FAAH2: variants seen among roughly 807,000 people sequenced by gnomAD.
The protein encoded by FAAH2 is fatty acid amide hydrolase 2, also known as fatty-acid amide hydrolase 2.
Under a neutral mutation model 36.9 loss-of-function variants are expected in FAAH2, and 60 were observed. That is an observed-to-expected ratio of 1.63 (90% CI 1.32 to 2.02). The LOEUF (loss-of-function observed/expected upper bound fraction) is 2.02. Among genes scored for constraint, FAAH2 ranks in the 30% most tolerant of loss-of-function variants. FAAH2 has a pLI of 0.00. For missense variants in FAAH2, 689 were observed against 397.5 expected, an observed-to-expected ratio of 1.73 and a Z score of -6.23; for synonymous variants, 214 against 143.8, an observed-to-expected ratio of 1.49 and a Z score of -3.49.
intron 7 of FAAH2, among the ~76,000 whole-genome samples, chrX:57,386,203 C>T (rs1470487812): frequency 9.1e-6 from 1 of 110,383 alleles, no homozygotes; most frequent in Admixed American, 9.7e-5. Context: ...GAAAATACTG[C>T]CAATAAAAAT....
At chrX:57,335,283 G>C (rs2053515719) in intron 4 of FAAH2, among the ~76,000 whole-genome samples, 1 of 110,961 alleles carries the variant, frequency 9.0e-6, no homozygotes, top group Non-Finnish European at 1.9e-5. Context: ...TAAGAAAAAT[G>C]GGCCCAGGGG....
At chrX:57,328,178 C>A (rs2053277854) in intron 3 of FAAH2, among the ~76,000 whole-genome samples, 2 of 111,636 alleles carry the variant, frequency 1.8e-5, no homozygotes, top group South Asian at 7.6e-4. Flanking sequence ...GCAAATGTTG[C>A]TGCCTGATCG....
chrX:57,375,397 C>A (rs1189052647), intron 5 of FAAH2, among the ~76,000 whole-genome samples: 1 of 77,723 alleles, frequency 1.3e-5, no homozygotes, highest in Admixed American at 1.7e-4. Context: ...CTATTTCAAT[C>A]TCTCTCCTTG....
chrX:57,482,532 C>T (rs868495249), intron 10 of FAAH2, among the ~76,000 whole-genome samples: 2 of 109,778 alleles, frequency 1.8e-5, no homozygotes, highest in Admixed American at 9.8e-5. Flanking sequence ...TGAGGCAATG[C>T]CCCACCCTGC....
At chrX:57,124,736 A>T in the FAAH2 span, among the ~76,000 whole-genome samples, 1 of 111,192 alleles carries the variant, frequency 9.0e-6, no homozygotes, top group African/African-American at 3.3e-5. Flanking sequence ...TGTAAGTTGG[A>T]TTCCTAGGTA....
intron 7 of FAAH2, among the ~76,000 whole-genome samples, chrX:57,416,865 A>G (rs986509282): frequency 5.3e-5 from 6 of 112,253 alleles, no homozygotes; most frequent in East Asian, 2.8e-4. Context: ...TGGTACACCA[A>G]TCAAACGTAG....
intron 5 of FAAH2, among the ~76,000 whole-genome samples, chrX:57,342,161 G>A (rs1163188405): frequency 9.0e-6 from 1 of 111,600 alleles, no homozygotes. Context: ...ACAATGGTCC[G>A]TATACACCAT....
At chrX:57,260,543 A>G in the FAAH2 span, among the ~76,000 whole-genome samples, 2 of 111,941 alleles carry the variant, frequency 1.8e-5, no homozygotes, top group Admixed American at 9.5e-5. Context: ...TTATAAAACA[A>G]AAGATCAATA....
intron 3 of FAAH2, among the ~76,000 whole-genome samples, chrX:57,319,765 A>C (rs1487870406): frequency 4.5e-5 from 5 of 112,258 alleles, no homozygotes; most frequent in Non-Finnish European, 5.6e-5. Flanking sequence ...ACCTTACTGC[A>C]AAGTATACTA....
the FAAH2 span, among the ~76,000 whole-genome samples, chrX:57,168,555 G>A: frequency 4.3e-4 from 48 of 111,986 alleles, no homozygotes; most frequent in Admixed American, 4.6e-3. Flanking sequence ...AATATAGCTT[G>A]TAACCTCCAA....
the FAAH2 span, among the ~76,000 whole-genome samples, chrX:57,153,582 T>C: frequency 8.9e-6 from 1 of 112,323 alleles, no homozygotes; most frequent in Admixed American, 9.4e-5. Context: ...TCTCAGCTTT[T>C]GTTTGTCTAA....
chrX:57,427,917 G>A (rs968010773), intron 7 of FAAH2, among the ~76,000 whole-genome samples: 1 of 111,560 alleles, frequency 9.0e-6, no homozygotes, highest in Non-Finnish European at 1.9e-5. Context: ...AGTCAGGCAA[G>A]AGAAAGAAAT....
the FAAH2 span, among the ~76,000 whole-genome samples, chrX:57,159,188 C>G: frequency 1.8e-5 from 2 of 111,411 alleles, no homozygotes; most frequent in Admixed American, 9.5e-5. Context: ...TGTTCTGTTC[C>G]ATTTGTCTAT....
intron 7 of FAAH2, among the ~76,000 whole-genome samples, chrX:57,403,263 C>G (rs760476552): frequency 8.9e-6 from 1 of 112,407 alleles, no homozygotes; most frequent in Non-Finnish European, 1.9e-5. Flanking sequence ...ATTAGTCTTA[C>G]AGCGTCCTCT....
chrX:57,448,655 C>T lies in FAAH2; in HGVS notation c.1360C>T (p.His454Tyr), dbSNP rs1298456293. 4.1e-6 allele frequency: 5 copies of T among 1,209,711 alleles called. No homozygotes were observed. The African/African-American group carries it at 5.2e-5, about 13-fold the overall frequency. ...TGATGGTGTGTTCTTATATCCCTCA[C>T]ATCCCACAGTGGCACCTAAGCATCA... is the stretch of plus-strand genomic sequence containing the variant. ...GDDGVFLYPS[H>Y]PTVAPKHHVP... The change falls in exon 10 of 11, where the codon CAT becomes TAT. Residue 454 changes from histidine to tyrosine, a missense_variant. His to Tyr is a moderately conservative substitution (Grantham distance 83). Transcript: ENST00000374900.
chrX:57,466,575 C>T (rs1602757429), intron 10 of FAAH2, among the ~76,000 whole-genome samples: 2 of 110,215 alleles, frequency 1.8e-5, no homozygotes, highest in East Asian at 2.9e-4. Flanking sequence ...ACAAACACTC[C>T]AATCAAACGG....
intron 7 of FAAH2, among the ~76,000 whole-genome samples, chrX:57,423,978 C>T (rs895219519): frequency 1.8e-5 from 2 of 111,292 alleles, no homozygotes; most frequent in Admixed American, 9.5e-5. Flanking sequence ...ACAACATCGG[C>T]CGACACAATA....
At chrX:57,140,015 G>T in the FAAH2 span, among the ~76,000 whole-genome samples, 1 of 111,473 alleles carries the variant, frequency 9.0e-6, no homozygotes, top group Non-Finnish European at 1.9e-5. Context: ...TTCTATTTTT[G>T]TGTTGTCTTT....
chrX:57,246,318 C>T, the FAAH2 span, among the ~76,000 whole-genome samples: 2 of 111,800 alleles, frequency 1.8e-5, no homozygotes, highest in Non-Finnish European at 3.8e-5. Flanking sequence ...TGGTAGCATT[C>T]CTTCTGAAAC....
Sources: allele counts gnomAD v4.1 joint callset (sites outside exome capture counted in the v4.1 genomes callset), GRCh38; gene constraint gnomAD v4.1.1; transcripts MANE v1.5; gene names NCBI Gene and HGNC (gene_info 2026-07-23, HGNC 2026-07-21).